GPC5: variants seen among roughly 807,000 people sequenced by gnomAD.
GPC5 encodes the protein glypican-5.
In GPC5, 47 loss-of-function variants were observed where a neutral mutation model predicts 53.9. The observed-to-expected ratio is 0.87, with a 90% CI of 0.69 to 1.11. The LOEUF (loss-of-function observed/expected upper bound fraction) is 1.11. GPC5 is among the 50% of genes most tolerant of loss of function. The pLI, the probability that GPC5 is intolerant of heterozygous loss-of-function variation, is 0.00. For missense variants in GPC5, 748 were observed against 713.1 expected, an observed-to-expected ratio of 1.05 and a Z score of -0.56; for synonymous variants, 286 against 263.3, an observed-to-expected ratio of 1.09 and a Z score of -0.84.
chr13:91,914,785 A>G (rs187179908), intron 6 of GPC5, among the ~76,000 whole-genome samples: 2 of 152,134 alleles, frequency 1.3e-5, no homozygotes, highest in East Asian at 3.9e-4. Flanking sequence ...ACACAACACA[A>G]TCACAGGAGT....
intron 1 of GPC5, among the ~76,000 whole-genome samples, chr13:91,406,603 G>C (rs1323987667): frequency 1.3e-5 from 2 of 152,134 alleles, no homozygotes; most frequent in Non-Finnish European, 2.9e-5. Flanking sequence ...GACACTAAAA[G>C]ACCCCAAGCC....
chr13:91,537,326 A>T (rs549313231), intron 2 of GPC5, among the ~76,000 whole-genome samples: 2 of 152,304 alleles, frequency 1.3e-5, no homozygotes, highest in South Asian at 4.1e-4. Context: ...AGCTCAAATG[A>T]TTAAAATCAG....
At position 91,711,516 on chromosome 13, in the gene GPC5, A is replaced by G. The variant is rs186762281; in HGVS notation, c.1021-17016A>G. ...AATACCTAATGTAAATGATGAGTTA[A>G]TGGGCACAGCAAACCAACATGGTAC... is the stretch of plus-strand genomic sequence containing the variant. On this transcript the variant is annotated intron_variant, in intron 3 of 7. Coordinates refer to ENST00000377067, the MANE Select transcript of GPC5 (RefSeq NM_004466.6). Among the ~76,000 whole-genome samples, 256 of 152,324 alleles carry G rather than the reference A, an allele frequency of 1.7e-3. 6 individuals are homozygous for G. Among genetic ancestry groups the G allele is most frequent in the East Asian group, 3.9e-4 (2 of 5,184 alleles).
Position 92,529,989 on chromosome 13 carries a change from C to A in GPC5, c.1562-336293C>A, listed in dbSNP as rs575836405. ...GTCCCAGCTACTCTGGGGGCTGAGG[C>A]GGGGGAGGATGGCTTGAGCCCAGGA... On this transcript the variant is annotated intron_variant, in intron 7 of 7. Transcript: ENST00000377067. Among the ~76,000 whole-genome samples the A allele has an allele frequency of 1.0e-3, 157 of 152,174 alleles. 1 individual carries two copies. Among genetic ancestry groups the A allele is most frequent in the Admixed American group, 2.6e-3 (40 of 15,264 alleles).
At chr13:92,823,207 T>C (rs1411046457) in intron 7 of GPC5, among the ~76,000 whole-genome samples, 2 of 152,098 alleles carry the variant, frequency 1.3e-5, no homozygotes, top group East Asian at 3.9e-4. Context: ...GTGAACCAGG[T>C]GCATAGGAAA....
intron 6 of GPC5, among the ~76,000 whole-genome samples, chr13:91,952,294 G>T (rs2040034429): frequency 6.6e-6 from 1 of 151,908 alleles, no homozygotes; most frequent in African/African-American, 2.4e-5. Flanking sequence ...ATATTCATTA[G>T]ATGTTAGCAC....
chr13:91,411,138 T>A (rs1311513224), intron 1 of GPC5, among the ~76,000 whole-genome samples: 2 of 152,092 alleles, frequency 1.3e-5, no homozygotes, highest in Non-Finnish European at 2.9e-5. Flanking sequence ...AAAAAAACAC[T>A]GGACTTTTGC....
intron 7 of GPC5, among the ~76,000 whole-genome samples, chr13:92,248,180 T>TA (rs2042666734): frequency 6.9e-6 from 1 of 145,692 alleles, no homozygotes; most frequent in Non-Finnish European, 1.5e-5. Flanking sequence ...TGACAAAATG[T>TA]AAAATAGAGG....
intron 3 of GPC5, among the ~76,000 whole-genome samples, chr13:91,701,481 C>T (rs2035990392): frequency 6.6e-6 from 1 of 151,890 alleles, no homozygotes; most frequent in African/African-American, 2.4e-5. Context: ...AGCATAATTC[C>T]TTCTAGATTC....
chr13:92,320,193 A>G (rs1266471840), intron 7 of GPC5, among the ~76,000 whole-genome samples: 1 of 152,156 alleles, frequency 6.6e-6, no homozygotes, highest in Non-Finnish European at 1.5e-5. Flanking sequence ...CTTCCCAAGT[A>G]TGAAAGAAAT....
intron 2 of GPC5, among the ~76,000 whole-genome samples, chr13:91,560,571 AATAG>A (rs1336978017): frequency 6.6e-6 from 1 of 152,098 alleles, no homozygotes; most frequent in South Asian, 2.1e-4. Context: ...CATGAGAACA[AATAG>A]ATAGGTAGCC....
At position 92,305,812 on chromosome 13, in the gene GPC5, C is replaced by T. The variant is rs934028465; in HGVS notation, c.1561+160823C>T. ...TAGACTACAAAGTCCACGATTTCTT[C>T]CCCTGCCATATACATATATTGCTTT... On this transcript the variant is annotated intron_variant, in intron 7 of 7. Transcript: ENST00000377067. 5.9e-5 allele frequency among the ~76,000 whole-genome samples: 9 copies of T among 152,182 alleles called. No homozygotes were observed. The South Asian group carries it at 1.9e-3, about 31-fold the overall frequency.
At chr13:91,410,689 C>T (rs1235690015) in intron 1 of GPC5, among the ~76,000 whole-genome samples, 1 of 152,116 alleles carries the variant, frequency 6.6e-6, no homozygotes, top group Non-Finnish European at 1.5e-5. Flanking sequence ...ATATTTGCCT[C>T]CCCTCACTCC....
intron 3 of GPC5, among the ~76,000 whole-genome samples, chr13:91,694,267 A>C (rs985859660): frequency 2.6e-5 from 4 of 152,240 alleles, no homozygotes; most frequent in African/African-American, 9.6e-5. Flanking sequence ...GAATATAGGC[A>C]TTATGTGTGC....
At chr13:92,604,033 A>T (rs1884170465) in intron 7 of GPC5, among the ~76,000 whole-genome samples, 1 of 152,224 alleles carries the variant, frequency 6.6e-6, no homozygotes, top group South Asian at 2.1e-4. Context: ...AGAAGAGAAG[A>T]ATGTATCATG....
At chr13:91,840,315 C>A (rs543747055) in intron 5 of GPC5, among the ~76,000 whole-genome samples, 2 of 152,158 alleles carry the variant, frequency 1.3e-5, no homozygotes, top group South Asian at 2.1e-4. Flanking sequence ...TGACACTTAG[C>A]TCAGTGCCTG....
At chr13:92,131,078 TA>T (rs969836363) in intron 6 of GPC5, among the ~76,000 whole-genome samples, 2 of 152,010 alleles carry the variant, frequency 1.3e-5, no homozygotes, top group South Asian at 2.1e-4. Flanking sequence ...TTTAAAAACC[TA>T]AAAGCCTAAG....
intron 7 of GPC5, among the ~76,000 whole-genome samples, chr13:92,452,224 T>A (rs1309700106): frequency 6.6e-6 from 1 of 152,164 alleles, no homozygotes; most frequent in Non-Finnish European, 1.5e-5. Context: ...AATGTAAATA[T>A]GAAAGAGACT....
chr13:92,587,817 T>A (rs1020530059), intron 7 of GPC5, among the ~76,000 whole-genome samples: 1 of 151,694 alleles, frequency 6.6e-6, no homozygotes, highest in African/African-American at 2.4e-5. Flanking sequence ...CCCTCCAGAG[T>A]GGTGTTACAT....
Sources: allele counts gnomAD v4.1 joint callset (sites outside exome capture counted in the v4.1 genomes callset), GRCh38; gene constraint gnomAD v4.1.1; transcripts MANE v1.5; gene names NCBI Gene and HGNC (gene_info 2026-07-23, HGNC 2026-07-21).